STAB2: variants seen among roughly 807,000 people sequenced by gnomAD.
STAB2 encodes stabilin-2.
A neutral mutation model predicts 338.1 loss-of-function variants in STAB2; 288 were observed. The ratio of observed to expected loss-of-function variants is 0.85; its 90% CI spans 0.77 to 0.94. STAB2 has a LOEUF of 0.94. Among genes scored for constraint, STAB2 ranks in the 40% least tolerant of loss-of-function variants. The pLI is 0.00. For missense variants in STAB2, 3,141 were observed against 3,210.1 expected (o/e 0.98, Z 0.52); for synonymous variants, 1,202 against 1,193.3 (o/e 1.01, Z -0.15).
chr12:103,758,273 G>A lies in STAB2; in HGVS notation c.7091G>A (p.Gly2364Glu), dbSNP rs765604064. 4.3e-6 allele frequency: 7 copies of A among 1,613,782 alleles called. No homozygotes were observed. In the East Asian group the frequency reaches 1.3e-4, roughly 31 times the overall value. ...RGTLFVPQNS[G>E]LGENETLSGR... is the part of the protein sequence containing the mutation. ...ACCCTCTTTGTGCCACAGAACAGTG[G>A]GCTGGGGGAGAATGAGGTGAGTTGA... The change falls in exon 64 of 69, where the codon GGG becomes GAG. Residue 2364 changes from glycine to glutamate, a missense_variant. By Grantham distance (98) the Gly-to-Glu change is moderately conservative. Coordinates refer to ENST00000388887, the MANE Select transcript of STAB2 (RefSeq NM_017564.10).
chr12:103,647,448 C>A (rs1051485494), intron 9 of STAB2, among the ~76,000 whole-genome samples: 1 of 152,172 alleles, frequency 6.6e-6, no homozygotes, highest in Non-Finnish European at 1.5e-5. Flanking sequence ...TTGTTCCCTG[C>A]ATCTCTCCTC....
At chr12:103,653,505 C>T (rs1593185689) in intron 12 of STAB2, among the ~76,000 whole-genome samples, 1 of 152,146 alleles carries the variant, frequency 6.6e-6, no homozygotes, top group Non-Finnish European at 1.5e-5. Context: ...CAATCTGCTG[C>T]AGTGCATGTG....
chr12:103,655,691 A>G, intron 15 of STAB2, 110 bp downstream of exon 15: 1 of 1,349,022 alleles, frequency 7.4e-7, no homozygotes, highest in Non-Finnish European at 1.0e-6. Flanking sequence ...TACATGTATC[A>G]CCACCTACCC....
chr12:103,734,009 A>G (rs533347835), intron 51 of STAB2, among the ~76,000 whole-genome samples: 83 of 151,090 alleles, frequency 5.5e-4, no homozygotes, highest in African/African-American at 1.9e-3. Flanking sequence ...ACCATATAGG[A>G]GCAAGCATGA....
intron 24 of STAB2, among the ~76,000 whole-genome samples, chr12:103,676,530 G>T (rs1488227033): frequency 6.6e-6 from 1 of 152,144 alleles, no homozygotes; most frequent in Admixed American, 6.5e-5. Flanking sequence ...ACCCAGGCTG[G>T]AGCACAGTGG....
intron 63 of STAB2, among the ~76,000 whole-genome samples, chr12:103,756,556 CTG>C (rs1884116039): frequency 6.6e-6 from 1 of 152,190 alleles, no homozygotes; most frequent in Admixed American, 6.5e-5. Flanking sequence ...GATGAAGAAA[CTG>C]AGGCTTAGCA....
chr12:103,720,141 T>G (rs1031694893), intron 44 of STAB2, among the ~76,000 whole-genome samples: 1 of 152,192 alleles, frequency 6.6e-6, no homozygotes, highest in Non-Finnish European at 1.5e-5. Context: ...AGATGGGGGC[T>G]GAGATGTGAA....
At chr12:103,684,808 GC>G (rs1265897993) in intron 26 of STAB2, among the ~76,000 whole-genome samples, 180 bp from the exon 27 acceptor site, 4 of 152,178 alleles carry the variant, frequency 2.6e-5, no homozygotes, top group Non-Finnish European at 4.4e-5. Flanking sequence ...ATTAATAGCT[GC>G]ATCAAACATG....
intron 44 of STAB2, among the ~76,000 whole-genome samples, chr12:103,718,414 T>C (rs558811369): frequency 1.1e-4 from 17 of 152,336 alleles, no homozygotes; most frequent in Non-Finnish European, 2.2e-4. Flanking sequence ...GATCCAGTTC[T>C]AGATGCTCTG....
Position 103,654,668 on chromosome 12 carries a change from G to A in STAB2, c.1521G>A (p.Lys507=). 6.2e-7 allele frequency: 1 copy of A among 1,614,124 alleles called. No individual in the cohort carries two copies. Among genetic ancestry groups the A allele is most frequent in the Non-Finnish European group, 8.5e-7 (1 of 1,180,002 alleles). ...ACATCCTTGACAGAGCCATGGACAA[G>A]TTAGAACCCACATTTGAGAGCAACA... ...LLHILDRAMD[K]LEPTFESNNE... Residue 507 remains lysine (K), a synonymous_variant, in exon 13 of 69, where the codon AAG becomes AAA. Coordinates refer to ENST00000388887, the MANE Select transcript of STAB2 (RefSeq NM_017564.10).
At chr12:103,621,097 A>AC (rs1352419113) in intron 4 of STAB2, among the ~76,000 whole-genome samples, 8 of 151,772 alleles carry the variant, frequency 5.3e-5, no homozygotes, top group Admixed American at 5.2e-4. Flanking sequence ...GACTCTGTCC[A>AC]CCCCCACCCA....
chr12:103,659,062 A>G (rs1874404861), intron 15 of STAB2, among the ~76,000 whole-genome samples: 2 of 152,258 alleles, frequency 1.3e-5, no homozygotes, highest in African/African-American at 4.8e-5. Flanking sequence ...TCAAGGTCAC[A>G]TAGTAACAGA....
intron 55 of STAB2, among the ~76,000 whole-genome samples, chr12:103,741,644 G>A (rs563999180): frequency 3.1e-4 from 47 of 152,236 alleles, no homozygotes; most frequent in African/African-American, 8.7e-4. Flanking sequence ...TTCATAGGCT[G>A]GGTTTTCGCC....
chr12:103,590,793 T>A, intron 1 of STAB2, 104 bp from the exon 2 acceptor site: 4 of 1,372,024 alleles, frequency 2.9e-6, no homozygotes, highest in Non-Finnish European at 4.1e-6. Context: ...TGACGTTCCA[T>A]TGAGATGATT....
chr12:103,751,709 T>G (rs1883668448), intron 60 of STAB2, among the ~76,000 whole-genome samples: 1 of 152,184 alleles, frequency 6.6e-6, no homozygotes, highest in African/African-American at 2.4e-5. Flanking sequence ...TAGGACACAG[T>G]TCATTCAGCC....
intron 60 of STAB2, among the ~76,000 whole-genome samples, chr12:103,752,748 T>C (rs1043409504): frequency 6.6e-6 from 1 of 152,190 alleles, no homozygotes; most frequent in Non-Finnish European, 1.5e-5. Context: ...TTTTGGGATA[T>C]AATTATGATT....
intron 21 of STAB2, among the ~76,000 whole-genome samples, 175 bp from the exon 22 acceptor site, chr12:103,670,521 G>A (rs1242568038): frequency 6.6e-6 from 1 of 152,178 alleles, no homozygotes; most frequent in Non-Finnish European, 1.5e-5. Context: ...GGATTCCCAA[G>A]CTCGGCACTG....
At position 103,740,899 on chromosome 12, in the gene STAB2, G is replaced by GT. The variant is rs1882533192; in HGVS notation, c.5881+145dup. The GT allele has an allele frequency of 4.9e-6, 6 of 1,222,138 alleles. No homozygotes were observed. The East Asian group carries it at 1.7e-4, about 35-fold the overall frequency. 75.7% of individuals were successfully genotyped at this position (1,222,138 alleles called of 1,614,324 possible). ...TTCCCAGACCCCAGAACTCTGAAGA[G>GT]TTGTGTATCATTCCTTCTACTTTGG... On this transcript the variant is annotated intron_variant, in intron 55 of 68. Coordinates refer to ENST00000388887, the MANE Select transcript of STAB2 (RefSeq NM_017564.10).
At position 103,668,695 on chromosome 12, in the gene STAB2, G is replaced by A; in HGVS notation, c.2138G>A (p.Ser713Asn). The change falls in exon 20 of 69, where the codon AGC (serine) becomes AAC (asparagine). Residue 713 changes from serine (S) to asparagine (N), a missense_variant. Transcript: ENST00000388887. ...AGTGGCAGGTTTGGGAGCCTGAAGAGCGGCTGTGCCCGGTACTGCAATGCC... is the reference window on the plus strand; with the variant it reads ...AGTGGCAGGTTTGGGAGCCTGAAGAACGGCTGTGCCCGGTACTGCAATGCC... Reference protein sequence around the residue: ...VYSGRFGSLKSGCARYCNATV... With the variant: ...VYSGRFGSLKNGCARYCNATV... The A allele has an allele frequency of 6.4e-7, 1 of 1,550,692 alleles. No homozygotes were observed. Among genetic ancestry groups the A allele is most frequent in the South Asian group, 1.2e-5 (1 of 84,028 alleles).
Sources: gnomAD v4.1 joint callset for allele counts (sites outside exome capture counted in the v4.1 genomes callset) on GRCh38, gnomAD v4.1.1 for gene constraint, MANE v1.5 for transcripts, NCBI Gene and HGNC (gene_info 2026-07-23, HGNC 2026-07-21) for gene names.